Variants in GRID1 observed in about 807,000 individuals in gnomAD.
The protein encoded by GRID1 is glutamate receptor ionotropic, delta-1.
Under a neutral mutation model 98.0 loss-of-function variants are expected in GRID1, and 28 were observed. The ratio of observed to expected loss-of-function variants is 0.29; its 90% CI spans 0.21 to 0.39. The LOEUF (loss-of-function observed/expected upper bound fraction) is 0.39. Ranked by LOEUF, GRID1 falls within the 10% of genes least tolerant of loss-of-function variation. The pLI is 1.00. For missense variants in GRID1, 1,111 were observed against 1,340.5 expected (o/e 0.83, Z 2.67); for synonymous variants, 553 against 538.5 (o/e 1.03, Z -0.37).
At chr10:85,854,467 G>C in intron 8 of GRID1, 29 bp downstream of exon 8, 1 of 1,610,956 alleles carries the variant, frequency 6.2e-7, no homozygotes, top group Non-Finnish European at 8.5e-7. Context: ...ATAGCAGGAA[G>C]ATTGGAAGAC....
At chr10:86,351,963 C>T (rs550093418) in intron 2 of GRID1, among the ~76,000 whole-genome samples, 89 of 152,328 alleles carry the variant, frequency 5.8e-4, no homozygotes, top group African/African-American at 1.9e-3. Flanking sequence ...CTGTGAATTA[C>T]GTCCCTTGTT....
chr10:85,786,794 G>C (rs140241233), intron 8 of GRID1, among the ~76,000 whole-genome samples: 1 of 152,228 alleles, frequency 6.6e-6, no homozygotes, highest in Non-Finnish European at 1.5e-5. Flanking sequence ...TGTGCAGAAG[G>C]CAATGAACCT....
At chr10:85,945,201 T>C (rs1274967883) in intron 4 of GRID1, among the ~76,000 whole-genome samples, 1 of 152,190 alleles carries the variant, frequency 6.6e-6, no homozygotes, top group African/African-American at 2.4e-5. Context: ...TATTAGAATA[T>C]ATAATACGAA....
At chr10:86,239,913 G>A (rs189831011) in intron 2 of GRID1, among the ~76,000 whole-genome samples, 11 of 152,236 alleles carry the variant, frequency 7.2e-5, no homozygotes, top group African/African-American at 1.9e-4. Flanking sequence ...AAATTAAAAC[G>A]AATCAGGAAG....
At chr10:86,316,589 C>T (rs11814869) in intron 2 of GRID1, among the ~76,000 whole-genome samples, 15,929 of 152,320 alleles carry the variant, frequency 0.1, 986 homozygotes, top group South Asian at 0.17. Context: ...AGGGCAGAGC[C>T]CCAGTGGAAG....
intron 2 of GRID1, among the ~76,000 whole-genome samples, chr10:86,359,114 A>G (rs1201251938): frequency 6.6e-6 from 1 of 152,180 alleles, no homozygotes; most frequent in Non-Finnish European, 1.5e-5. Flanking sequence ...TGATCTAACC[A>G]ACTAAATTTG....
intron 4 of GRID1, among the ~76,000 whole-genome samples, chr10:86,084,486 A>G (rs1304423318): frequency 6.6e-6 from 1 of 152,178 alleles, no homozygotes; most frequent in Non-Finnish European, 1.5e-5. Flanking sequence ...CAATTCCTCA[A>G]AAAGTTAAAA....
At chr10:86,002,265 A>G (rs1842811104) in intron 4 of GRID1, among the ~76,000 whole-genome samples, 1 of 152,252 alleles carries the variant, frequency 6.6e-6, no homozygotes. Context: ...AATGACAGGT[A>G]AAACAAGAAT....
intron 12 of GRID1, 74 bp from the exon 13 acceptor site, chr10:85,647,471 A>G: frequency 8.4e-7 from 1 of 1,184,116 alleles, no homozygotes; most frequent in Non-Finnish European, 1.2e-6. Flanking sequence ...AATGGGCTGC[A>G]AGGCCCTTCT....
At chr10:85,772,627 A>C (rs935790339) in intron 8 of GRID1, among the ~76,000 whole-genome samples, 1 of 152,260 alleles carries the variant, frequency 6.6e-6, no homozygotes, top group African/African-American at 2.4e-5. Flanking sequence ...GCAATAAAAA[A>C]TGATAAAAGG....
rs561323744 is a variant in GRID1, at chr10:85,916,586, T to G, written c.727-347A>C. The stretch of plus-strand genomic sequence containing the variant: ...CCTTTCTGCAGGGGCGCTTAGGGGA[T>G]GAGTGTTATCATTACTCCAGGCTAC... On this transcript the variant is annotated intron_variant, in intron 4 of 15. Transcript: ENST00000327946. The surrounding 1 kb of genome is among the most constrained non-coding windows in gnomAD (Gnocchi z 4.0). 1.3e-5 allele frequency among the ~76,000 whole-genome samples: 2 copies of G among 152,298 alleles called. No individual in the cohort carries two copies. The highest frequency in any genetic ancestry group is 1.3e-4 in the Admixed American group (2 of 15,308).
intron 2 of GRID1, among the ~76,000 whole-genome samples, chr10:86,307,139 G>A (rs1282833150): frequency 6.6e-6 from 1 of 152,178 alleles, no homozygotes; most frequent in Non-Finnish European, 1.5e-5. Flanking sequence ...GGTATTGGCA[G>A]TTCTATAAAA....
At chr10:86,142,958 C>T (rs912586916) in intron 3 of GRID1, among the ~76,000 whole-genome samples, 7 of 152,250 alleles carry the variant, frequency 4.6e-5, no homozygotes, top group Non-Finnish European at 7.3e-5. Flanking sequence ...AACATGCAAA[C>T]GGGAGGACAT....
At chr10:85,795,941 GA>G (rs1842522674) in intron 8 of GRID1, among the ~76,000 whole-genome samples, 1 of 152,198 alleles carries the variant, frequency 6.6e-6, no homozygotes, top group African/African-American at 2.4e-5. Flanking sequence ...GGAAGAGACA[GA>G]AAAAATGACA....
At chr10:86,336,559 C>T (rs957229513) in intron 2 of GRID1, among the ~76,000 whole-genome samples, 2 of 152,182 alleles carry the variant, frequency 1.3e-5, no homozygotes, top group Non-Finnish European at 2.9e-5. Flanking sequence ...CACCATCACC[C>T]GGTCCACACC....
intron 12 of GRID1, among the ~76,000 whole-genome samples, chr10:85,715,905 C>A (rs950679476): frequency 5.6e-5 from 6 of 106,412 alleles, no homozygotes; most frequent in South Asian, 2.6e-4. Context: ...ATAGAACTAA[C>A]CTTTTTTTTT....
At chr10:85,719,464 T>C (rs1212010517) in intron 12 of GRID1, among the ~76,000 whole-genome samples, 1 of 152,208 alleles carries the variant, frequency 6.6e-6, no homozygotes, top group East Asian at 1.9e-4. Flanking sequence ...CAGTTTCACA[T>C]GGATGGGGAA....
intron 8 of GRID1, among the ~76,000 whole-genome samples, chr10:85,759,065 C>G (rs1842124056): frequency 6.6e-6 from 1 of 152,196 alleles, no homozygotes; most frequent in African/African-American, 2.4e-5. Flanking sequence ...ACATAGTAAA[C>G]ATGATGGAGA....
chr10:85,734,716 C>T (rs1841860430), intron 8 of GRID1, among the ~76,000 whole-genome samples: 1 of 152,182 alleles, frequency 6.6e-6, no homozygotes, highest in African/African-American at 2.4e-5. Context: ...AGTGAATCTC[C>T]CCATTTCCAC....
Sources: allele counts gnomAD v4.1 joint callset (sites outside exome capture counted in the v4.1 genomes callset), GRCh38; gene constraint gnomAD v4.1.1; non-coding constraint Gnocchi (gnomAD v3.1); transcripts MANE v1.5; gene names NCBI Gene and HGNC (gene_info 2026-07-23, HGNC 2026-07-21).